The following NLRC5 variants were observed in gnomAD, a reference collection of about 807,000 sequenced individuals.
The protein encoded by NLRC5 is NLR family CARD domain containing 5, also known as protein NLRC5.
A neutral mutation model predicts 206.9 loss-of-function variants in NLRC5; 114 were observed. The observed-to-expected ratio is 0.55, with a 90% CI of 0.47 to 0.64. NLRC5 has a LOEUF of 0.64. Among genes scored for constraint, NLRC5 ranks in the 30% least tolerant of loss-of-function variants. The pLI, the probability that NLRC5 is intolerant of heterozygous loss-of-function variation, is 0.00. For missense variants in NLRC5, 2,008 were observed against 2,305.5 expected (o/e 0.87, Z 2.64); for synonymous variants, 952 against 962.8 (o/e 0.99, Z 0.21).
At chr16:57,070,298 C>T (rs1378098741) in intron 37 of NLRC5, among the ~76,000 whole-genome samples, 2 of 151,938 alleles carry the variant, frequency 1.3e-5, no homozygotes, top group African/African-American at 4.8e-5. Flanking sequence ...TCTCTGCAGC[C>T]TTCATCCAGG....
In NLRC5 at chr16:57,060,692, A is replaced by G. The variant is rs545934159; in HGVS notation, c.3987-756A>G. ...CATAACCTTCACTATTTGCTCCTAG[A>G]TCAAGCCCTGCCTGAAGATTCTCTG... On this transcript the variant is annotated intron_variant, in intron 30 of 48. Coordinates refer to ENST00000688547, the MANE Select transcript of NLRC5 (RefSeq NM_001384950.1). 2.6e-5 allele frequency among the ~76,000 whole-genome samples: 4 copies of G among 152,170 alleles called. No individual in the cohort carries two copies. The East Asian group carries it at 5.8e-4, about 22-fold the overall frequency.
chr16:57,021,208 C>G (rs1348675811), intron 3 of NLRC5: 5 of 547,516 alleles, frequency 9.1e-6, no homozygotes, highest in Admixed American at 3.2e-5. Context: ...CTCCTTCTAC[C>G]TGGCTTCACT....
chr16:57,031,587 G>T, intron 11 of NLRC5, 124 bp downstream of exon 11: 1 of 859,902 alleles, frequency 1.2e-6, no homozygotes, highest in East Asian at 2.6e-5. Flanking sequence ...TCCTGCTACT[G>T]CTGCACTGAG....
chr16:57,081,989 T>C (rs2069205448), intron 48 of NLRC5, among the ~76,000 whole-genome samples: 1 of 152,244 alleles, frequency 6.6e-6, no homozygotes, highest in Admixed American at 6.5e-5. Flanking sequence ...TACAGTTGTA[T>C]AGGTTGTGCA....
rs758577541 is a variant in NLRC5, at chr16:57,061,571, G to A, written c.4070+40G>A. The A allele has an allele frequency of 3.7e-5, 60 of 1,608,516 alleles. No homozygotes were observed. In the East Asian group the frequency reaches 8.7e-4, roughly 23 times the overall value. ...CAGCCCGTGAGGACAGCAGAGGGGT[G>A]GGGGCACCCTGCCAGAGCCACCTCA... On this transcript the variant is annotated intron_variant, in intron 31 of 48. Transcript: ENST00000688547.
intron 32 of NLRC5, chr16:57,062,635 TCA>T (rs2066655165): frequency 6.5e-6 from 1 of 154,040 alleles, no homozygotes; most frequent in Non-Finnish European, 1.4e-5. Context: ...TCCATGACAT[TCA>T]GTTTCATGTT....
At position 57,001,966 on chromosome 16, in the gene NLRC5, G is replaced by T. The variant is rs61461384; in HGVS notation, c.-128+12349G>T. Among the ~76,000 whole-genome samples, 426 of 147,460 alleles carry T rather than the reference G, an allele frequency of 2.9e-3. 3 individuals carry two copies. The highest frequency in any genetic ancestry group is 0.01 in the African/African-American group (416 of 39,868). ...CTATCTCCATGACTTAAATTGTTTTGATTTTTAGATCCCACAAATAAGTGA... is the reference window on the plus strand; with the variant it reads ...CTATCTCCATGACTTAAATTGTTTTTATTTTTAGATCCCACAAATAAGTGA... On this transcript the variant is annotated intron_variant, in intron 1 of 48. Transcript: ENST00000688547.
At chr16:57,081,063 C>T in intron 46 of NLRC5, 35 bp from the exon 47 acceptor site, 1 of 1,540,304 alleles carries the variant, frequency 6.5e-7, no homozygotes, top group Non-Finnish European at 8.8e-7. Flanking sequence ...CCTCCTTGCT[C>T]TCCTGCCGCT....
At chr16:57,056,339 G>A (rs1382831005) in intron 27 of NLRC5, among the ~76,000 whole-genome samples, 3 of 152,146 alleles carry the variant, frequency 2.0e-5, no homozygotes, top group Admixed American at 1.3e-4. Context: ...TGCCCAGGCT[G>A]GAGTGCAGTG....
intron 1 of NLRC5, among the ~76,000 whole-genome samples, chr16:56,992,747 G>T (rs1465936528): frequency 3.3e-5 from 5 of 151,790 alleles, no homozygotes; most frequent in African/African-American, 1.2e-4. Context: ...AAAATGCTAG[G>T]ATTACAGGCA....
intron 32 of NLRC5, chr16:57,062,003 TTGTC>T (rs1451921922): frequency 2.8e-6 from 4 of 1,451,876 alleles, no homozygotes; most frequent in Non-Finnish European, 3.7e-6. Context: ...AACGAAGTTC[TTGTC>T]TGTCTGTTCA....
chr16:57,033,693 T>A, intron 12 of NLRC5, 24 bp downstream of exon 12: 1 of 1,606,016 alleles, frequency 6.2e-7, no homozygotes. Context: ...ATCTATTGCC[T>A]TAGGAGAGGG....
At chr16:56,998,766 A>G (rs1157194227) in intron 1 of NLRC5, among the ~76,000 whole-genome samples, 1 of 152,238 alleles carries the variant, frequency 6.6e-6, no homozygotes, top group Non-Finnish European at 1.5e-5. Flanking sequence ...TGTTTATTCC[A>G]TGATACATCT....
chr16:56,993,084 C>T (rs947260056), intron 1 of NLRC5, among the ~76,000 whole-genome samples: 5 of 88,186 alleles, frequency 5.7e-5, no homozygotes, highest in Non-Finnish European at 1.4e-4. Flanking sequence ...TTTTTACAAA[C>T]ATGGATATAT....
chr16:57,018,794 G>A (rs1235671143), intron 2 of NLRC5, among the ~76,000 whole-genome samples: 2 of 152,196 alleles, frequency 1.3e-5, no homozygotes, highest in Non-Finnish European at 2.9e-5. Flanking sequence ...ACTGCTATGA[G>A]GAAGGACATA....
In NLRC5 at chr16:57,065,251, C is replaced by A. The variant is rs768532207; in HGVS notation, c.4194C>A (p.Ser1398=). Residue 1398 remains serine (S), a synonymous_variant, in exon 33 of 49, where the codon TCC becomes TCA. Coordinates refer to ENST00000688547, the MANE Select transcript of NLRC5 (RefSeq NM_001384950.1). The part of the protein sequence containing the change: ...EPWADRARVL[S]LLEVCAQASG... ...GGGCGGACAGAGCCAGGGTTCTCTC[C>A]CTGTTAGAAGTCTGCGCCCAGGCCT... 1.3e-6 allele frequency: 2 copies of A among 1,584,354 alleles called. No homozygotes were observed. The highest frequency in any genetic ancestry group is 1.7e-6 in the Non-Finnish European group (2 of 1,162,772).
In NLRC5 at chr16:57,029,840, C is replaced by T. The variant is rs190627737; in HGVS notation, c.2311C>T (p.Arg771Trp). Residue 771 changes from arginine to tryptophan, a missense_variant, in exon 9 of 49, where the codon CGG becomes TGG. By Grantham distance (101) the Arg-to-Trp change is moderately radical. Transcript: ENST00000688547. ...NIVEVLPHLPRLRKLDLSSNS... is the reference protein window; with the variant it reads ...NIVEVLPHLPWLRKLDLSSNS... ...TGTGGAGGTTCTCCCTCACCTACCA[C>T]GGCTCCGGAAGCTTGAGTAAGTGAT... is the stretch of plus-strand genomic sequence containing the variant. 47 of 1,614,092 alleles carry T rather than the reference C, an allele frequency of 2.9e-5. No homozygotes were observed. The Middle Eastern group carries it at 6.6e-4, about 23-fold the overall frequency.
At chr16:57,071,273 G>GAT in intron 38 of NLRC5, among the ~76,000 whole-genome samples, 1 of 147,632 alleles carries the variant, frequency 6.8e-6, no homozygotes, top group Non-Finnish European at 1.5e-5. Context: ...AGTGAGTTGT[G>GAT]GGGTTGGTTA....
chr16:57,036,001 A>G, intron 13 of NLRC5, 99 bp from the exon 14 acceptor site: 1 of 1,102,864 alleles, frequency 9.1e-7, no homozygotes. Flanking sequence ...CATTCCTGAG[A>G]GTGACACTTT....
Sources: gnomAD v4.1 joint callset for allele counts (sites outside exome capture counted in the v4.1 genomes callset) on GRCh38, gnomAD v4.1.1 for gene constraint, MANE v1.5 for transcripts, NCBI Gene and HGNC (gene_info 2026-07-23, HGNC 2026-07-21) for gene names.